STAB2: variants seen among roughly 807,000 people sequenced by gnomAD.
STAB2 encodes the protein stabilin 2.
A neutral mutation model predicts 338.1 loss-of-function variants in STAB2; 288 were observed. The observed-to-expected ratio is 0.85, with a 90% CI of 0.77 to 0.94. The LOEUF is 0.94. Ranked by LOEUF, STAB2 falls within the 40% of genes least tolerant of loss-of-function variation. The probability of loss-of-function intolerance (pLI) is 0.00; values close to 1 mark genes in which losing one functional copy is unlikely to be tolerated. For missense variants in STAB2, 3,141 were observed against 3,210.1 expected (o/e 0.98, Z 0.52); for synonymous variants, 1,202 against 1,193.3 (o/e 1.01, Z -0.15).
At chr12:103,589,633 C>A (rs1336042009) in intron 1 of STAB2, among the ~76,000 whole-genome samples, 3 of 152,116 alleles carry the variant, frequency 2.0e-5, no homozygotes, top group Non-Finnish European at 2.9e-5. Context: ...CTCCACTGGG[C>A]CAGCCACAGG....
rs144635447 is a variant in STAB2, at chr12:103,699,105, G to T, written c.3592G>T (p.Val1198Phe). The change falls in exon 34 of 69, where the codon GTC becomes TTC. Residue 1198 changes from valine to phenylalanine, a missense_variant. Val to Phe is a conservative substitution (Grantham distance 50). Transcript: ENST00000388887. Reference sequence around the variant, plus strand: ...TCTGTGTGTGATCCAGGAGGAGGACGTCCTCCGGTATCATGTGGTCCTGGA... The same window carrying T: ...TCTGTGTGTGATCCAGGAGGAGGACTTCCTCCGGTATCATGTGGTCCTGGA... ...EKKVLSLEEDVLRYHVVLEEK... is the reference protein window; with the variant it reads ...EKKVLSLEEDFLRYHVVLEEK... 1.2e-5 allele frequency: 19 copies of T among 1,607,558 alleles called. No individual in the cohort carries two copies. The East Asian group carries it at 2.9e-4, about 25-fold the overall frequency.
rs760512976 is a variant in STAB2 at position 103,690,470 on chromosome 12, C to T, written c.3229C>T (p.Leu1077=). ...GTYRVADLQT[L]SSSDMLATSL... is the part of the protein sequence containing the mutation. ...ATACAGAGTGGCAGATCTGCAGACC[C>T]TGTCTTCTTCTGACATGTTGGCAAC... Residue 1077 remains leucine (L), a synonymous_variant, in exon 30 of 69, where the codon CTG becomes TTG. Coordinates refer to ENST00000388887, the MANE Select transcript of STAB2 (RefSeq NM_017564.10). The T allele has an allele frequency of 1.9e-6, 3 of 1,614,150 alleles. No individual in the cohort carries two copies. Among genetic ancestry groups the T allele is most frequent in the Non-Finnish European group, 2.5e-6 (3 of 1,179,978 alleles).
chr12:103,643,940 C>A (rs796674107), intron 9 of STAB2, among the ~76,000 whole-genome samples: 37 of 26,972 alleles, frequency 1.4e-3, no homozygotes, highest in African/African-American at 3.8e-3. Context: ...GCCAGCCGCC[C>A]CGTCCGGGAG....
intron 3 of STAB2, among the ~76,000 whole-genome samples, chr12:103,612,570 T>C (rs1163409281): frequency 6.6e-6 from 1 of 152,236 alleles, no homozygotes; most frequent in Non-Finnish European, 1.5e-5. Context: ...CATTGGTTAT[T>C]CTAGTTAGCC....
At chr12:103,702,546 G>C (rs555368452) in intron 34 of STAB2, among the ~76,000 whole-genome samples, 60 of 152,170 alleles carry the variant, frequency 3.9e-4, no homozygotes, top group African/African-American at 1.4e-3. Flanking sequence ...TGATCCACCC[G>C]CCTCGGCCTC....
At chr12:103,741,909 C>T (rs1365194102) in intron 55 of STAB2, among the ~76,000 whole-genome samples, 1 of 152,126 alleles carries the variant, frequency 6.6e-6, no homozygotes, top group Non-Finnish European at 1.5e-5. Flanking sequence ...GGTTGAGAGC[C>T]CCCATGACCA....
intron 44 of STAB2, 75 bp downstream of exon 44, chr12:103,717,916 G>A: frequency 6.8e-7 from 1 of 1,468,770 alleles, no homozygotes; most frequent in Non-Finnish European, 9.5e-7. Context: ...TCTCGGGGAT[G>A]CAGAGTTGAG....
Position 103,655,321 on chromosome 12 carries a change from A to G in STAB2, c.1608+14A>G, listed in dbSNP as rs1565988006. On this transcript the variant is annotated intron_variant, in intron 14 of 68. Coordinates refer to ENST00000388887, the MANE Select transcript of STAB2 (RefSeq NM_017564.10). ...TCTTTGTTAGAGGTAAGCACTTTTC[A>G]TAATTTTCTGAAAAATATTTATGTC... is the stretch of plus-strand genomic sequence containing the variant. 1 of 1,609,908 alleles carries G rather than the reference A, an allele frequency of 6.2e-7. No individual in the cohort carries two copies. Among genetic ancestry groups the G allele is most frequent in the Non-Finnish European group, 8.5e-7 (1 of 1,178,756 alleles).
rs556055600 is a variant in STAB2 at position 103,704,288 on chromosome 12, TAAATA to T, written c.3844-266_3844-262del. ...AATTCACTTAATAGTTGGTTTTTAA[TAAATA>T]AAAGTTATTGTTAAAGAATTTGGAC... is the stretch of plus-strand genomic sequence containing the variant. On this transcript the variant is annotated intron_variant, in intron 35 of 68. Transcript: ENST00000388887. Among the ~76,000 whole-genome samples, 422 of 152,342 alleles carry T rather than the reference TAAATA, an allele frequency of 2.8e-3. 6 individuals are homozygous for T. The highest frequency in any genetic ancestry group is 5.7e-4 in the Non-Finnish European group (39 of 68,024).
chr12:103,764,753 A>G (rs1232943298), intron 68 of STAB2, among the ~76,000 whole-genome samples: 1 of 152,124 alleles, frequency 6.6e-6, no homozygotes, highest in Non-Finnish European at 1.5e-5. Context: ...CCAGATTGCA[A>G]ATCATATTTT....
chr12:103,729,884 T>G (rs1463828525), intron 48 of STAB2, among the ~76,000 whole-genome samples: 1 of 152,240 alleles, frequency 6.6e-6, no homozygotes, highest in Non-Finnish European at 1.5e-5. Context: ...AGAATCATAT[T>G]GAAATTACTG....
intron 39 of STAB2, among the ~76,000 whole-genome samples, chr12:103,710,391 A>G (rs1028145657): frequency 2.2e-4 from 33 of 152,246 alleles, no homozygotes; most frequent in Non-Finnish European, 5.9e-5. Context: ...AGTACAAAGC[A>G]AAGAGCCTGT....
Position 103,728,897 on chromosome 12 carries a change from C to T in STAB2, c.4984C>T (p.His1662Tyr). 6.2e-7 allele frequency: 1 copy of T among 1,613,976 alleles called. No individual in the cohort carries two copies. Among genetic ancestry groups the T allele is most frequent in the South Asian group, 1.1e-5 (1 of 91,064 alleles). ...TTTAATGCCCCAGGTTCTTCGGTAC[C>T]ATGTGGTCGCCTGCCACCAGCTGCT... is the stretch of plus-strand genomic sequence containing the variant. ...YGLMPQVLRY[H>Y]VVACHQLLLE... is the part of the protein sequence containing the mutation. Residue 1662 changes from histidine (H) to tyrosine (Y), a missense_variant, in exon 48 of 69, where the codon CAT (histidine) becomes TAT (tyrosine). His to Tyr is a moderately conservative substitution (Grantham distance 83). Transcript: ENST00000388887.
chr12:103,727,146 CAG>C (rs1881270197), intron 46 of STAB2, 119 bp from the exon 47 acceptor site: 20 of 952,044 alleles, frequency 2.1e-5, no homozygotes, highest in Admixed American at 1.5e-4. Flanking sequence ...AAGACTGAAA[CAG>C]AGGTCTCCTC....
chr12:103,618,781 A>G (rs1362228193), intron 3 of STAB2, among the ~76,000 whole-genome samples: 1 of 152,168 alleles, frequency 6.6e-6, no homozygotes, highest in Admixed American at 6.5e-5. Context: ...TGAGTTGTAA[A>G]CAAATGCATC....
In STAB2 at chr12:103,660,895, T is replaced by C; in HGVS notation, c.1869+132T>C. ...CTTTATGATTATTTCATTCATTTGC[T>C]CACTTCTCTCAGCAGATATGTGCTG... On this transcript the variant is annotated intron_variant, in intron 17 of 68. Transcript: ENST00000388887. 4.1e-6 allele frequency: 4 copies of C among 982,384 alleles called. No individual in the cohort carries two copies. The South Asian group carries it at 4.3e-5, about 11-fold the overall frequency. The allele number at this position is 982,384 out of a possible 1,614,324, so 60.9% of individuals were successfully genotyped here. A position where few individuals can be genotyped will look rare whatever the true frequency, so the allele number is the denominator to read the frequency against.
At chr12:103,637,898 T>C in intron 7 of STAB2, 118 bp from the exon 8 acceptor site, 4 of 1,040,812 alleles carry the variant, frequency 3.8e-6, no homozygotes, top group Non-Finnish European at 5.7e-6. Context: ...AAAGGAAATG[T>C]TTGTCTTTGA....
chr12:103,612,001 G>A (rs1957130951), intron 3 of STAB2, among the ~76,000 whole-genome samples: 1 of 152,202 alleles, frequency 6.6e-6, no homozygotes, highest in Non-Finnish European at 1.5e-5. Context: ...CTTTAAGAAT[G>A]TTGAATATTG....
At chr12:103,601,004 T>TA (rs1178221970) in intron 3 of STAB2, among the ~76,000 whole-genome samples, 1 of 152,226 alleles carries the variant, frequency 6.6e-6, no homozygotes, top group African/African-American at 2.4e-5. Flanking sequence ...TAAATGAATG[T>TA]AAAATCTATG....
Sources: gnomAD v4.1 joint callset for allele counts (sites outside exome capture counted in the v4.1 genomes callset) on GRCh38, gnomAD v4.1.1 for gene constraint, MANE v1.5 for transcripts, NCBI Gene and HGNC (gene_info 2026-07-23, HGNC 2026-07-21) for gene names.